The following FGF12 variants were observed in gnomAD, a reference collection of about 807,000 sequenced individuals.
FGF12 encodes fibroblast growth factor 12B.
Under a neutral mutation model 23.6 loss-of-function variants are expected in FGF12, and 14 were observed. The ratio of observed to expected loss-of-function variants is 0.59; its 90% CI spans 0.39 to 0.93. The LOEUF is 0.93. Ranked by LOEUF, FGF12 falls within the 40% of genes least tolerant of loss-of-function variation. The pLI is 0.00. For missense variants in FGF12, 175 were observed against 217.8 expected, an observed-to-expected ratio of 0.80 and a Z score of 1.24; for synonymous variants, 62 against 77.3, an observed-to-expected ratio of 0.80 and a Z score of 1.04.
chr3:192,279,051 G>C (rs1713976953), intron 4 of FGF12, among the ~76,000 whole-genome samples: 2 of 151,964 alleles, frequency 1.3e-5, no homozygotes, highest in Admixed American at 1.3e-4. Flanking sequence ...ATATTATATT[G>C]AGCTGGGAAA....
At chr3:192,214,112 T>A (rs1718072892) in intron 4 of FGF12, among the ~76,000 whole-genome samples, 1 of 152,226 alleles carries the variant, frequency 6.6e-6, no homozygotes, top group African/African-American at 2.4e-5. Flanking sequence ...TGCTTTTCCT[T>A]CGACAGAGAC....
At chr3:192,573,527 A>G (rs185725499) in intron 2 of FGF12, among the ~76,000 whole-genome samples, 22 of 152,244 alleles carry the variant, frequency 1.4e-4, no homozygotes, top group African/African-American at 5.1e-4. Context: ...GAACTGGAGC[A>G]TCAACTCTTC....
chr3:192,239,495 C>A (rs1346756988), intron 4 of FGF12, among the ~76,000 whole-genome samples: 1 of 152,080 alleles, frequency 6.6e-6, no homozygotes. Flanking sequence ...GGACCAGGGG[C>A]CCCCAACTCC....
chr3:192,568,671 C>T (rs375771379), intron 2 of FGF12, among the ~76,000 whole-genome samples: 14 of 152,182 alleles, frequency 9.2e-5, no homozygotes, highest in South Asian at 8.3e-4. Context: ...TTAATTTTTA[C>T]GTTTTATTAA....
At position 192,536,653 on chromosome 3, in the gene FGF12, G is replaced by T. The variant is rs533927783; in HGVS notation, c.14-176115C>A. On this transcript the variant is annotated intron_variant, in intron 2 of 5. Coordinates refer to ENST00000445105, the MANE Select transcript of FGF12 (RefSeq NM_004113.6). ...ATAAGATTTTTGCTTTTGATATTTT[G>T]ATTTTTTTAACTTTTAGTTTTTGTG... Among the ~76,000 whole-genome samples the T allele has an allele frequency of 8.8e-4, 133 of 151,890 alleles. 1 individual carries two copies. The highest frequency in any genetic ancestry group is 2.9e-3 in the African/African-American group (121 of 41,450).
chr3:192,629,004 C>T (rs1209752223), intron 2 of FGF12, among the ~76,000 whole-genome samples: 2 of 152,046 alleles, frequency 1.3e-5, no homozygotes, highest in African/African-American at 2.4e-5. Flanking sequence ...CAAACCATTT[C>T]CTCTCTCTGG....
intron 2 of FGF12, among the ~76,000 whole-genome samples, chr3:192,487,626 G>A (rs944627652): frequency 6.6e-6 from 1 of 152,058 alleles, no homozygotes; most frequent in Non-Finnish European, 1.5e-5. Flanking sequence ...AAGTGTTTTA[G>A]TTGGCAAAAT....
chr3:192,551,871 T>G (rs1343936498), intron 2 of FGF12, among the ~76,000 whole-genome samples: 1 of 151,904 alleles, frequency 6.6e-6, no homozygotes, highest in East Asian at 1.9e-4. Context: ...TAGTCAAAAG[T>G]AAAAAGTTGA....
intron 4 of FGF12, among the ~76,000 whole-genome samples, chr3:192,307,318 T>C (rs1715698075): frequency 6.6e-6 from 1 of 152,042 alleles, no homozygotes; most frequent in East Asian, 1.9e-4. Context: ...AAAGGCACAA[T>C]AAATAGAAAA....
At chr3:192,228,337 C>T (rs1718845367) in intron 4 of FGF12, among the ~76,000 whole-genome samples, 1 of 151,996 alleles carries the variant, frequency 6.6e-6, no homozygotes, top group African/African-American at 2.4e-5. Flanking sequence ...GGTAAAAATC[C>T]AGCTTCCCTG....
chr3:192,603,014 T>G (rs1714179542), intron 2 of FGF12, among the ~76,000 whole-genome samples: 1 of 152,080 alleles, frequency 6.6e-6, no homozygotes, highest in African/African-American at 2.4e-5. Context: ...CACAGGAAAC[T>G]AGGCATCAAA....
In FGF12 at chr3:192,592,717, C is replaced by T. The variant is rs1392568879; in HGVS notation, c.13+134464G>A. Among the ~76,000 whole-genome samples, 5 of 149,324 alleles carry T rather than the reference C, an allele frequency of 3.3e-5. 1 individual carries two copies. In the South Asian group the frequency reaches 6.3e-4, roughly 19 times the overall value. On this transcript the variant is annotated intron_variant, in intron 2 of 5. Transcript: ENST00000445105. ...CACTTTCCAGAATTCCCTCAAATTTCTCCAAGGGTCTCCATCTTCTCTTTA... is the reference window on the plus strand; with the variant it reads ...CACTTTCCAGAATTCCCTCAAATTTTTCCAAGGGTCTCCATCTTCTCTTTA...
At chr3:192,550,336 T>G (rs1049646248) in intron 2 of FGF12, among the ~76,000 whole-genome samples, 18 of 150,194 alleles carry the variant, frequency 1.2e-4, no homozygotes, top group Admixed American at 1.1e-3. Context: ...TTCCTTCCTA[T>G]ATATGTGCAT....
chr3:192,239,541 G>C (rs1368945404), intron 4 of FGF12, among the ~76,000 whole-genome samples: 1 of 152,170 alleles, frequency 6.6e-6, no homozygotes, highest in African/African-American at 2.4e-5. Context: ...TGGCCTGTTA[G>C]GAACTGGTCA....
intron 4 of FGF12, among the ~76,000 whole-genome samples, chr3:192,220,099 A>G (rs549788860): frequency 2.8e-4 from 42 of 152,104 alleles, no homozygotes; most frequent in African/African-American, 9.6e-4. Flanking sequence ...TGACAATTGA[A>G]TCTGTTTCTG....
chr3:192,710,483 G>A (rs1161855646), intron 2 of FGF12, among the ~76,000 whole-genome samples: 1 of 152,160 alleles, frequency 6.6e-6, no homozygotes, highest in Non-Finnish European at 1.5e-5. Flanking sequence ...AAACCAGCTG[G>A]TGAAGATATA....
chr3:192,453,192 A>C (rs1722578340), intron 2 of FGF12, among the ~76,000 whole-genome samples: 1 of 151,972 alleles, frequency 6.6e-6, no homozygotes, highest in South Asian at 2.1e-4. Flanking sequence ...TCTTTCTTTT[A>C]GCTGTGTCTG....
chr3:192,411,219 T>C (rs1721190081), intron 2 of FGF12, among the ~76,000 whole-genome samples: 2 of 152,278 alleles, frequency 1.3e-5, no homozygotes, highest in Non-Finnish European at 2.9e-5. Context: ...TTGAGATCTG[T>C]GACGTTGTTC....
At chr3:192,591,654 C>T (rs1231283923) in intron 2 of FGF12, among the ~76,000 whole-genome samples, 1 of 151,818 alleles carries the variant, frequency 6.6e-6, no homozygotes, top group African/African-American at 2.4e-5. Context: ...ATATTTAGTA[C>T]CCAACATAAG....
Sources: allele counts gnomAD v4.1 joint callset (sites outside exome capture counted in the v4.1 genomes callset), GRCh38; gene constraint gnomAD v4.1.1; transcripts MANE v1.5; gene names NCBI Gene and HGNC (gene_info 2026-07-23, HGNC 2026-07-21).